The following SMAP1 variants were observed in gnomAD, a reference collection of about 807,000 sequenced individuals.
SMAP1 encodes small ArfGAP 1, also known as stromal membrane-associated protein 1.
Under a neutral mutation model 58.5 loss-of-function variants are expected in SMAP1, and 24 were observed. The observed-to-expected ratio is 0.41, with a 90% confidence interval of 0.30 to 0.58. The LOEUF (loss-of-function observed/expected upper bound fraction) is 0.58. Among genes scored for constraint, SMAP1 ranks in the 20% least tolerant of loss-of-function variants. The probability of loss-of-function intolerance (pLI) is 0.29; values close to 1 mark genes in which losing one functional copy is unlikely to be tolerated. For missense variants in SMAP1, 563 were observed against 566.3 expected (o/e 0.99, Z 0.06); for synonymous variants, 216 against 196.6 (o/e 1.10, Z -0.82).
At chr6:70,683,654 C>T (rs529934404) in intron 1 of SMAP1, among the ~76,000 whole-genome samples, 1 of 152,248 alleles carries the variant, frequency 6.6e-6, no homozygotes, top group East Asian at 1.9e-4. Flanking sequence ...CATTCATCTC[C>T]ATATTCCACC....
At chr6:70,706,116 A>C (rs953911415) in intron 1 of SMAP1, among the ~76,000 whole-genome samples, 35 of 152,162 alleles carry the variant, frequency 2.3e-4, no homozygotes, top group Non-Finnish European at 7.4e-5. Context: ...AGGGAAAGAG[A>C]GGTACCAAAC....
At chr6:70,859,353 C>T (rs775354035) in intron 10 of SMAP1, 4 of 1,548,940 alleles carry the variant, frequency 2.6e-6, no homozygotes, top group African/African-American at 1.4e-5. Flanking sequence ...TGATGCTGTT[C>T]TCCAGCACTC....
chr6:70,826,407 T>A (rs925837173), intron 6 of SMAP1, among the ~76,000 whole-genome samples: 3 of 151,962 alleles, frequency 2.0e-5, no homozygotes, highest in Admixed American at 6.6e-5. Context: ...TTTTTTTTTT[T>A]AACAACTTAC....
Position 70,748,720 on chromosome 6 carries a change from G to T in SMAP1, c.253-6260G>T, listed in dbSNP as rs190997083. Among the ~76,000 whole-genome samples, 134 of 152,098 alleles carry T rather than the reference G, an allele frequency of 8.8e-4. 1 individual carries two copies. In the East Asian group the frequency reaches 0.02, roughly 23 times the overall value. ...CCCCTTCTAATTATTTTATTTAGTT[G>T]TTGGGAATAGAAAATATGTGGACAT... is the stretch of plus-strand genomic sequence containing the variant. On this transcript the variant is annotated intron_variant, in intron 2 of 10. Coordinates refer to ENST00000370455, the MANE Select transcript of SMAP1 (RefSeq NM_001044305.3).
chr6:70,816,814 A>G (rs947883175), intron 6 of SMAP1, among the ~76,000 whole-genome samples: 1 of 152,288 alleles, frequency 6.6e-6, no homozygotes, highest in South Asian at 2.1e-4. Flanking sequence ...TCTGTATTTT[A>G]TCTCCTAGAA....
intron 4 of SMAP1, among the ~76,000 whole-genome samples, chr6:70,787,873 A>C (rs1490393756): frequency 6.6e-6 from 1 of 152,004 alleles, no homozygotes; most frequent in Non-Finnish European, 1.5e-5. Context: ...TAGTTCAACC[A>C]TTGTGGAAGT....
chr6:70,860,263 C>T lies in SMAP1; in HGVS notation c.1333C>T (p.Pro445Ser), dbSNP rs1461932353. 1.9e-6 allele frequency: 3 copies of T among 1,613,562 alleles called. No homozygotes were observed. In the African/African-American group the frequency reaches 4.0e-5, roughly 22 times the overall value. Residue 445 changes from proline (P) to serine (S), a missense_variant, in exon 11 of 11, where the codon CCC (proline) becomes TCC (serine). This residue lies in a region of SMAP1 where 494 missense variants were observed against 473.8 expected (regional missense o/e 1.04). Transcript: ENST00000370455. ...AACCCCTACTGCAGGTTTTGGCCAG[C>T]CCTCCAGCACAACAGCAGGATGGTC... is the stretch of plus-strand genomic sequence containing the variant. ...SATPTAGFGQ[P>S]SSTTAGWSGS...
At chr6:70,842,802 C>T (rs1770850764) in intron 7 of SMAP1, among the ~76,000 whole-genome samples, 1 of 152,166 alleles carries the variant, frequency 6.6e-6, no homozygotes. Flanking sequence ...ACTGGCTTTA[C>T]TCTGGAGGCT....
chr6:70,681,333 A>G (rs1160347417), intron 1 of SMAP1, among the ~76,000 whole-genome samples: 2 of 152,104 alleles, frequency 1.3e-5, no homozygotes, highest in Non-Finnish European at 2.9e-5. Context: ...TTGGGAGGCT[A>G]GGGTAGGAGG....
chr6:70,705,448 T>TC (rs1421172391), intron 1 of SMAP1, among the ~76,000 whole-genome samples: 2 of 152,090 alleles, frequency 1.3e-5, no homozygotes, highest in African/African-American at 2.4e-5. Flanking sequence ...AGCTGGGGTT[T>TC]CATCATGTTG....
intron 5 of SMAP1, 49 bp from the exon 6 acceptor site, chr6:70,798,608 G>A (rs1264544356): frequency 1.1e-5 from 16 of 1,428,602 alleles, no homozygotes; most frequent in Non-Finnish European, 1.1e-5. Flanking sequence ...GTCAAAAATT[G>A]CCATTTTTTA....
chr6:70,729,215 G>A (rs552897600), intron 1 of SMAP1, among the ~76,000 whole-genome samples: 1 of 151,962 alleles, frequency 6.6e-6, no homozygotes, highest in Non-Finnish European at 1.5e-5. Flanking sequence ...CGAGGCGGGC[G>A]GATCACGAGG....
intron 5 of SMAP1, among the ~76,000 whole-genome samples, chr6:70,792,389 C>A (rs1295183321): frequency 6.7e-6 from 1 of 148,488 alleles, no homozygotes; most frequent in Non-Finnish European, 1.5e-5. Context: ...TTTCAACTAT[C>A]ATTTTTTCCC....
At chr6:70,846,117 T>C (rs149930915) in intron 7 of SMAP1, among the ~76,000 whole-genome samples, 280 of 152,292 alleles carry the variant, frequency 1.8e-3, no homozygotes, top group Admixed American at 3.2e-3. Context: ...CTAAATGTGC[T>C]GGTGGTAAGT....
intron 3 of SMAP1, among the ~76,000 whole-genome samples, chr6:70,756,093 A>G (rs1766478803): frequency 2.0e-5 from 3 of 152,058 alleles, no homozygotes; most frequent in Non-Finnish European, 4.4e-5. Flanking sequence ...ATAATTCTGT[A>G]GGATTTTTAT....
intron 6 of SMAP1, among the ~76,000 whole-genome samples, chr6:70,821,314 T>C (rs1444171080): frequency 6.6e-6 from 1 of 152,228 alleles, no homozygotes; most frequent in Non-Finnish European, 1.5e-5. Flanking sequence ...AACATTCTTC[T>C]ATTGTCTGTC....
chr6:70,673,725 C>T (rs1766361885), intron 1 of SMAP1, among the ~76,000 whole-genome samples: 1 of 152,186 alleles, frequency 6.6e-6, no homozygotes, highest in Non-Finnish European at 1.5e-5. Context: ...AAACTTCAGT[C>T]TGATGGGTCT....
At chr6:70,684,173 A>G (rs1429637974) in intron 1 of SMAP1, among the ~76,000 whole-genome samples, 1 of 152,236 alleles carries the variant, frequency 6.6e-6, no homozygotes. Flanking sequence ...CATGTTTTCA[A>G]AATTTGGGAT....
intron 4 of SMAP1, among the ~76,000 whole-genome samples, chr6:70,781,781 G>C (rs1331064656): frequency 1.3e-5 from 2 of 152,064 alleles, no homozygotes; most frequent in Non-Finnish European, 2.9e-5. Flanking sequence ...CTTTTCAAAG[G>C]GTGTTTGTTC....
Sources: allele counts gnomAD v4.1 joint callset (sites outside exome capture counted in the v4.1 genomes callset), GRCh38; gene constraint gnomAD v4.1.1; regional missense constraint gnomAD v4.1.1; transcripts MANE v1.5; gene names NCBI Gene and HGNC (gene_info 2026-07-23, HGNC 2026-07-21).